The following SDK1 variants were observed in gnomAD, a reference collection of about 807,000 sequenced individuals.
The protein encoded by SDK1 is protein sidekick-1.
In SDK1, 157 loss-of-function variants were observed where a neutral mutation model predicts 245.5. The ratio of observed to expected loss-of-function variants is 0.64; its 90% CI spans 0.56 to 0.73. The LOEUF is 0.73. Among genes scored for constraint, SDK1 ranks in the 30% least tolerant of loss-of-function variants. The pLI, the probability that SDK1 is intolerant of heterozygous loss-of-function variation, is 0.00. For missense variants in SDK1, 3,583 were observed against 3,002.3 expected, an observed-to-expected ratio of 1.19 and a Z score of -4.52; for synonymous variants, 1,647 against 1,278.5, an observed-to-expected ratio of 1.29 and a Z score of -6.15.
intron 2 of SDK1, among the ~76,000 whole-genome samples, chr7:3,638,691 G>T (rs1186656106): frequency 2.0e-5 from 3 of 149,508 alleles, no homozygotes; most frequent in Admixed American, 6.7e-5. Flanking sequence ...GCTAAATGAC[G>T]AGTTAATGGG....
intron 1 of SDK1, among the ~76,000 whole-genome samples, chr7:3,390,004 G>A (rs1243739569): frequency 2.0e-5 from 3 of 152,228 alleles, no homozygotes; most frequent in African/African-American, 7.2e-5. Flanking sequence ...GGGGAAAGTG[G>A]ATCATTGTTA....
At chr7:3,344,512 A>G (rs12700808) in intron 1 of SDK1, among the ~76,000 whole-genome samples, 59,069 of 152,054 alleles carry the variant, frequency 0.39, 11,710 homozygotes, top group African/African-American at 0.46. Flanking sequence ...TTGATATGGA[A>G]GCTTAAAAGA....
intron 44 of SDK1, among the ~76,000 whole-genome samples, chr7:4,248,012 A>G (rs755201908): frequency 6.6e-6 from 1 of 152,190 alleles, no homozygotes; most frequent in Admixed American, 6.5e-5. Context: ...AGCATTTTCA[A>G]CATGGGCTAA....
At chr7:4,260,703 A>G (rs71527479) in intron 44 of SDK1, among the ~76,000 whole-genome samples, 23,542 of 112,266 alleles carry the variant, frequency 0.21, 2,788 homozygotes, top group Non-Finnish European at 0.25. Flanking sequence ...TGGCTGCTCC[A>G]GGGTCTCTGC....
intron 1 of SDK1, among the ~76,000 whole-genome samples, chr7:3,553,468 A>G (rs945636406): frequency 2.0e-5 from 3 of 152,182 alleles, no homozygotes; most frequent in Admixed American, 2.0e-4. Flanking sequence ...TTTGGGGCCC[A>G]GGACTAAAGG....
At chr7:3,742,512 C>G (rs1444858999) in intron 4 of SDK1, among the ~76,000 whole-genome samples, 1 of 152,192 alleles carries the variant, frequency 6.6e-6, no homozygotes, top group African/African-American at 2.4e-5. Context: ...CCATCAGTTT[C>G]TCCCGACATT....
intron 35 of SDK1, among the ~76,000 whole-genome samples, chr7:4,179,652 G>A (rs1427199050): frequency 6.6e-6 from 1 of 152,052 alleles, no homozygotes; most frequent in Non-Finnish European, 1.5e-5. Flanking sequence ...GAGCCACCGA[G>A]GTACGGCTCA....
intron 35 of SDK1, among the ~76,000 whole-genome samples, chr7:4,191,208 C>T (rs547508571): frequency 1.1e-3 from 163 of 151,596 alleles, no homozygotes; most frequent in African/African-American, 3.7e-3. Context: ...CCTCCCCCGC[C>T]GCAGTCACGG....
chr7:3,348,442 T>G (rs551865636), intron 1 of SDK1, among the ~76,000 whole-genome samples: 1 of 152,060 alleles, frequency 6.6e-6, no homozygotes, highest in South Asian at 2.1e-4. Context: ...GTTAGTGAAT[T>G]AACACAGGAG....
chr7:3,676,057 C>G (rs567921335), intron 4 of SDK1, among the ~76,000 whole-genome samples: 1 of 152,270 alleles, frequency 6.6e-6, no homozygotes, highest in African/African-American at 2.4e-5. Context: ...CCACAAACTC[C>G]CAGGCTCAAG....
chr7:4,176,563 A>G (rs1249612420), intron 34 of SDK1, among the ~76,000 whole-genome samples: 2 of 152,074 alleles, frequency 1.3e-5, no homozygotes, highest in Non-Finnish European at 2.9e-5. Context: ...GCACATTCAC[A>G]CTGTTATGCA....
intron 22 of SDK1, among the ~76,000 whole-genome samples, chr7:4,109,273 A>T (rs1783168029): frequency 6.6e-6 from 1 of 152,036 alleles, no homozygotes; most frequent in Admixed American, 6.6e-5. Context: ...AAGCGTTGAG[A>T]GTTTTGCGCT....
At chr7:3,969,131 T>C in intron 10 of SDK1, 126 bp from the exon 11 acceptor site, 1 of 833,520 alleles carries the variant, frequency 1.2e-6, no homozygotes, top group Non-Finnish European at 1.8e-6. Flanking sequence ...GGGATTGCAA[T>C]TCGAGACGAG....
chr7:3,978,974 C>T (rs1783182223), intron 13 of SDK1, among the ~76,000 whole-genome samples: 1 of 152,216 alleles, frequency 6.6e-6, no homozygotes, highest in Non-Finnish European at 1.5e-5. Context: ...CCGAGTTTTA[C>T]ACTTAGCACT....
chr7:3,350,851 T>C (rs564972231), intron 1 of SDK1, among the ~76,000 whole-genome samples: 2 of 152,230 alleles, frequency 1.3e-5, no homozygotes, highest in East Asian at 3.9e-4. Context: ...AATAGTTTTT[T>C]CCCCCCATTA....
rs1320987019 is a variant in SDK1, at chr7:4,051,669, C to T, written c.2750C>T (p.Ala917Val). Residue 917 changes from alanine (A) to valine (V), a missense_variant, in exon 19 of 45, where the codon GCT (alanine) becomes GTT (valine). Ala to Val is a moderately conservative substitution (Grantham distance 64, BLOSUM62 0). Coordinates refer to ENST00000404826, the MANE Select transcript of SDK1 (RefSeq NM_152744.4). ...GCATGGCCGGCAGATGCCCCCGAGG[C>T]TGTCACTGTGGTCACTATTGCCCCA... ...LLAWPADAPE[A>V]VTVVTIAPDF... 1 of 1,612,968 alleles carries T rather than the reference C, an allele frequency of 6.2e-7. No homozygotes were observed. The highest frequency in any genetic ancestry group is 8.5e-7 in the Non-Finnish European group (1 of 1,179,492).
At chr7:3,667,426 A>T (rs557615622) in intron 4 of SDK1, among the ~76,000 whole-genome samples, 1 of 152,242 alleles carries the variant, frequency 6.6e-6, no homozygotes, top group Non-Finnish European at 1.5e-5. Flanking sequence ...AGGCTTTTCT[A>T]TTCAGAGGGA....
chr7:4,140,660 G>C (rs1434028043), intron 28 of SDK1, among the ~76,000 whole-genome samples: 1 of 152,176 alleles, frequency 6.6e-6, no homozygotes, highest in Non-Finnish European at 1.5e-5. Flanking sequence ...TTTACTGTGT[G>C]CTCGTGGGCA....
intron 4 of SDK1, among the ~76,000 whole-genome samples, chr7:3,815,988 A>T (rs1408761237): frequency 2.1e-5 from 3 of 143,582 alleles, no homozygotes; most frequent in African/African-American, 8.3e-5. Flanking sequence ...CCTGCTCCTG[A>T]ATGACTACTG....
Sources: gnomAD v4.1 joint callset for allele counts (sites outside exome capture counted in the v4.1 genomes callset) on GRCh38, gnomAD v4.1.1 for gene constraint, MANE v1.5 for transcripts, NCBI Gene and HGNC (gene_info 2026-07-23, HGNC 2026-07-21) for gene names.